Variants in NUB1 observed in about 807,000 individuals in gnomAD.
NUB1 encodes the protein NEDD8 ultimate buster 1.
In NUB1, 41 loss-of-function variants were observed where a neutral mutation model predicts 77.1. The ratio of observed to expected loss-of-function variants is 0.53; its 90% confidence interval spans 0.41 to 0.69. The LOEUF (loss-of-function observed/expected upper bound fraction) is 0.69, where lower values mean the gene tolerates loss of function less well. Ranked by LOEUF, NUB1 falls within the 30% of genes least tolerant of loss-of-function variation. NUB1 has a pLI of 0.00. For synonymous variants in NUB1, 257 were observed against 281.0 expected, an observed-to-expected ratio of 0.91 and a Z score of 0.85; for missense variants, 643 against 743.8, an observed-to-expected ratio of 0.86 and a Z score of 1.58.
intron 5 of NUB1, 115 bp downstream of exon 5, chr7:151,352,997 A>G (rs1169928436): frequency 1.6e-6 from 1 of 612,148 alleles, no homozygotes; most frequent in Non-Finnish European, 2.8e-6. Context: ...TTTATAATCC[A>G]AAAGTGATTT....
chr7:151,351,871 C>T (rs1407162719), intron 4 of NUB1, among the ~76,000 whole-genome samples: 2 of 151,572 alleles, frequency 1.3e-5, no homozygotes, highest in East Asian at 1.9e-4. Flanking sequence ...CTATGACCTT[C>T]AGCACGGTGT....
intron 8 of NUB1, among the ~76,000 whole-genome samples, chr7:151,366,449 G>A (rs1797686868): frequency 6.6e-6 from 1 of 152,046 alleles, no homozygotes; most frequent in South Asian, 2.1e-4. Flanking sequence ...GGAGACTCTG[G>A]CAGTATAACC....
At chr7:151,348,976 C>T (rs1023962922) in intron 2 of NUB1, 97 bp from the exon 3 acceptor site, 30 of 1,084,018 alleles carry the variant, frequency 2.8e-5, no homozygotes, top group Middle Eastern at 3.0e-4. Flanking sequence ...GACCTCCACT[C>T]ATCAGAGTTG....
rs938951170 is a variant in NUB1 at position 151,376,817 on chromosome 7, T to C, written c.1669+6T>C. The C allele has an allele frequency of 5.1e-6, 8 of 1,574,154 alleles. No homozygotes were observed. Among genetic ancestry groups the C allele is most frequent in the South Asian group, 1.2e-5 (1 of 86,084 alleles). On this transcript the variant is annotated splice_donor_region_variant and intron_variant, in intron 14 of 14. Coordinates refer to ENST00000568733, the MANE Select transcript of NUB1 (RefSeq NM_001243351.2). ...GTCCCCTTCTGACTCCGCAGGTAGGTCTGAGGTCTTTGAGGGCCGCATTGA... is the reference window on the plus strand; with the variant it reads ...GTCCCCTTCTGACTCCGCAGGTAGGCCTGAGGTCTTTGAGGGCCGCATTGA...
chr7:151,346,294 A>G (rs113646572), intron 2 of NUB1, among the ~76,000 whole-genome samples: 12 of 152,310 alleles, frequency 7.9e-5, no homozygotes, highest in African/African-American at 2.6e-4. Context: ...TTATTGTTAC[A>G]GTCTCTTGGT....
chr7:151,373,225 CACTTA>C (rs1174386753), intron 11 of NUB1, among the ~76,000 whole-genome samples: 6 of 152,182 alleles, frequency 3.9e-5, no homozygotes, highest in Non-Finnish European at 7.3e-5. Context: ...TGTAGCAAGT[CACTTA>C]ACTTTGTTGA....
chr7:151,355,355 T>TTTTAC (rs1389515027), intron 5 of NUB1, among the ~76,000 whole-genome samples: 23 of 152,238 alleles, frequency 1.5e-4, no homozygotes, highest in African/African-American at 4.6e-4. Context: ...TTACCAATTA[T>TTTTAC]GTGGCGTGAT....
chr7:151,352,732 C>G (rs444648), intron 4 of NUB1, 80 bp from the exon 5 acceptor site: 41,237 of 899,594 alleles, frequency 0.046, 1,203 homozygotes, highest in African/African-American at 0.088. Flanking sequence ...CGTGAGCCAC[C>G]GGGCCTGGCT....
intron 4 of NUB1, among the ~76,000 whole-genome samples, chr7:151,351,920 C>CACACACAT (rs1358331642): frequency 1.3e-5 from 2 of 151,812 alleles, no homozygotes; most frequent in African/African-American, 2.4e-5. Flanking sequence ...CTGTAAAACA[C>CACACACAT]ACACACACAC....
In NUB1 at chr7:151,377,371, A is replaced by AG. The variant is rs371804068; in HGVS notation, c.*150dup. ...GGGGTGGGCAGGGGACAAGTCCAGG[A>AG]GGGGTCCCAGGGCCTTCATGCGTGG... On this transcript the variant is annotated 3_prime_UTR_variant, in exon 15 of 15. Transcript: ENST00000568733. The AG allele has an allele frequency of 1.0e-4, 56 of 553,088 alleles. 1 individual carries two copies. The highest frequency in any genetic ancestry group is 9.1e-4 in the African/African-American group (47 of 51,542). 34.3% of individuals were successfully genotyped at this position (553,088 alleles called of 1,614,324 possible). A position where few individuals can be genotyped will look rare whatever the true frequency, so the allele number is the denominator to read the frequency against.
At chr7:151,364,040 C>T (rs1016233216) in intron 8 of NUB1, among the ~76,000 whole-genome samples, 12 of 151,538 alleles carry the variant, frequency 7.9e-5, no homozygotes, top group East Asian at 2.0e-4. Context: ...GTGATCCGTC[C>T]GCCTCAGCCT....
intron 6 of NUB1, 39 bp from the exon 7 acceptor site, chr7:151,356,089 A>C (rs1488669189): frequency 1.3e-6 from 2 of 1,575,964 alleles, no homozygotes; most frequent in Non-Finnish European, 1.7e-6. Context: ...ATAACTGTTT[A>C]ACATTGAGTT....
intron 5 of NUB1, among the ~76,000 whole-genome samples, chr7:151,354,914 GT>G (rs1316124098): frequency 1.3e-5 from 2 of 152,270 alleles, no homozygotes; most frequent in East Asian, 3.9e-4. Flanking sequence ...CCAGGCTAAT[GT>G]TTTATTTTCT....
intron 4 of NUB1, chr7:151,352,039 G>A: frequency 1.1e-5 from 5 of 455,416 alleles, no homozygotes; most frequent in South Asian, 1.6e-5. Flanking sequence ...GGGCTAGCTA[G>A]CGGGTGTATT....
chr7:151,344,710 G>A (rs891882271), intron 1 of NUB1, among the ~76,000 whole-genome samples: 1 of 150,640 alleles, frequency 6.6e-6, no homozygotes, highest in Non-Finnish European at 1.5e-5. Context: ...TGTTAAACTA[G>A]CCAAAGTATG....
Position 151,376,791 on chromosome 7 carries a change from C to A in NUB1, c.1649C>A (p.Thr550Lys), listed in dbSNP as rs769223407. The A allele has an allele frequency of 2.5e-6, 4 of 1,588,978 alleles. No individual in the cohort carries two copies. The highest frequency in any genetic ancestry group is 3.4e-6 in the Non-Finnish European group (4 of 1,168,536). The change falls in exon 14 of 15, where the codon ACG (threonine) becomes AAG (lysine). Residue 550 changes from threonine (T) to lysine (K), a missense_variant. Thr to Lys is a moderately conservative substitution (Grantham distance 78). Coordinates refer to ENST00000568733, the MANE Select transcript of NUB1 (RefSeq NM_001243351.2). ...GAAGACTCTTTGTCCCCGCCAGCCA[C>A]GTCCCCTTCTGACTCCGCAGGTAGG... Reference protein sequence around the residue: ...SPEDSLSPPATSPSDSAGTSS... With the variant: ...SPEDSLSPPAKSPSDSAGTSS...
chr7:151,367,579 A>G (rs976785755), intron 9 of NUB1, among the ~76,000 whole-genome samples: 13 of 152,066 alleles, frequency 8.5e-5, no homozygotes, highest in African/African-American at 2.4e-4. Context: ...CCTGGTTTGG[A>G]TTTCTGCATA....
intron 11 of NUB1, among the ~76,000 whole-genome samples, chr7:151,372,367 A>C (rs932034922): frequency 3.9e-5 from 6 of 152,234 alleles, no homozygotes; most frequent in African/African-American, 1.4e-4. Context: ...GACATTTGTA[A>C]TGAAAGGAAG....
intron 2 of NUB1, 35 bp from the exon 3 acceptor site, chr7:151,349,037 TA>T: frequency 6.4e-7 from 1 of 1,569,044 alleles, no homozygotes. Context: ...TTTTTTTTTT[TA>T]AGTCAGTATT....
Sources: allele counts gnomAD v4.1 joint callset (sites outside exome capture counted in the v4.1 genomes callset), GRCh38; gene constraint gnomAD v4.1.1; transcripts MANE v1.5; gene names NCBI Gene and HGNC (gene_info 2026-07-23, HGNC 2026-07-21).